Variants in FNDC1 observed in about 807,000 individuals in gnomAD.
The protein encoded by FNDC1 is fibronectin type III domain containing 1, also known as fibronectin type III domain-containing protein 1.
A neutral mutation model predicts 168.0 loss-of-function variants in FNDC1; 96 were observed. The observed-to-expected ratio is 0.57, with a 90% CI of 0.48 to 0.68. FNDC1 has a LOEUF of 0.68. FNDC1 is among the 30% of genes least tolerant of loss of function. The probability of loss-of-function intolerance (pLI) is 0.00; values close to 1 mark genes in which losing one functional copy is unlikely to be tolerated. For synonymous variants in FNDC1, 1,099 were observed against 1,025.9 expected (o/e 1.07, Z -1.36); for missense variants, 2,587 against 2,482.1 (o/e 1.04, Z -0.90).
intron 13 of FNDC1, 90 bp from the exon 14 acceptor site, chr6:159,239,427 A>G: frequency 8.6e-7 from 1 of 1,161,664 alleles, no homozygotes; most frequent in East Asian, 2.6e-5. Flanking sequence ...ATGATAATAC[A>G]TAAGCTTTGA....
intron 17 of FNDC1, among the ~76,000 whole-genome samples, chr6:159,253,030 C>T (rs1022272121): frequency 6.6e-6 from 1 of 152,176 alleles, no homozygotes. Flanking sequence ...CTGTAGAGGT[C>T]GGGCTTCTGA....
At chr6:159,199,954 G>T in intron 2 of FNDC1, 42 bp from the exon 3 acceptor site, 1 of 1,504,900 alleles carries the variant, frequency 6.6e-7, no homozygotes, top group Non-Finnish European at 9.1e-7. Flanking sequence ...TGTCATTCTT[G>T]GAGATCTGAA....
intron 18 of FNDC1, 114 bp downstream of exon 18, chr6:159,256,745 C>A: frequency 1.3e-6 from 1 of 766,458 alleles, no homozygotes; most frequent in South Asian, 1.6e-5. Flanking sequence ...TTTGAATACC[C>A]TGTTTGGTTC....
chr6:159,221,469 A>G (rs399369), intron 5 of FNDC1, 129 bp from the exon 6 acceptor site: 280,310 of 693,394 alleles, frequency 0.4, 60,591 homozygotes, highest in East Asian at 0.67. Context: ...AAGTGGGAAT[A>G]CCCCCAGAAA....
chr6:159,249,449 A>C (rs181924229), intron 16 of FNDC1, among the ~76,000 whole-genome samples: 1,702 of 152,332 alleles, frequency 0.011, 26 homozygotes, highest in Non-Finnish European at 0.019. Flanking sequence ...AGTAAGAAAC[A>C]CTTAAAAACC....
chr6:159,256,420 G>A (rs1777374395), intron 17 of FNDC1, 103 bp from the exon 18 acceptor site: 1 of 798,050 alleles, frequency 1.3e-6, no homozygotes, highest in Non-Finnish European at 2.1e-6. Context: ...CCCACATGGA[G>A]CTGCATCTGC....
At position 159,200,063 on chromosome 6, in the gene FNDC1, C is replaced by T. The variant is rs1258474329; in HGVS notation, c.372C>T (p.Tyr124=). ...ACAGTGGAGTGAGCCGTCCTGTTTA[C>T]AGAGCTGAAAGCCCACCTGGTAAGT... ...ENHSGVSRPV[Y]RAESPPGGEW... The change falls in exon 3 of 23, where the codon TAC becomes TAT. Residue 124 remains tyrosine (Y), a synonymous_variant. Coordinates refer to ENST00000297267, the MANE Select transcript of FNDC1 (RefSeq NM_032532.3). 1.0e-5 allele frequency: 16 copies of T among 1,600,006 alleles called. No homozygotes were observed. The highest frequency in any genetic ancestry group is 1.3e-5 in the Non-Finnish European group (15 of 1,172,964).
At chr6:159,267,634 C>A (rs1277530297) in intron 21 of FNDC1, among the ~76,000 whole-genome samples, 170 bp from the exon 22 acceptor site, 2 of 152,084 alleles carry the variant, frequency 1.3e-5, no homozygotes, top group East Asian at 3.8e-4. Context: ...TTCTTACAAC[C>A]TTTATGAGAT....
intron 14 of FNDC1, among the ~76,000 whole-genome samples, chr6:159,242,247 C>A (rs1562305702): frequency 6.6e-6 from 1 of 152,206 alleles, no homozygotes; most frequent in East Asian, 1.9e-4. Context: ...AAACTAAACA[C>A]CGCATGTTGT....
intron 12 of FNDC1, among the ~76,000 whole-genome samples, chr6:159,237,090 A>C (rs900981088): frequency 1.3e-5 from 2 of 152,264 alleles, no homozygotes; most frequent in Non-Finnish European, 2.9e-5. Flanking sequence ...GGTGATCTAA[A>C]GATGCATGTT....
chr6:159,260,350 G>A (rs144364413), intron 18 of FNDC1, among the ~76,000 whole-genome samples: 158 of 152,326 alleles, frequency 1.0e-3, no homozygotes, highest in African/African-American at 3.6e-3. Context: ...TTGTAAGAAT[G>A]CAAATAACAT....
At chr6:159,218,020 C>T (rs534909576) in intron 5 of FNDC1, among the ~76,000 whole-genome samples, 1 of 152,234 alleles carries the variant, frequency 6.6e-6, no homozygotes, top group East Asian at 1.9e-4. Flanking sequence ...AAATTCTGCC[C>T]GGCATATCAG....
intron 4 of FNDC1, among the ~76,000 whole-genome samples, chr6:159,205,895 T>G (rs2114956218): frequency 1.3e-5 from 2 of 152,354 alleles, no homozygotes; most frequent in Non-Finnish European, 2.9e-5. Flanking sequence ...AATTGTAATT[T>G]CTGCATTTTG....
intron 17 of FNDC1, among the ~76,000 whole-genome samples, chr6:159,252,875 G>C (rs533757899): frequency 6.6e-6 from 1 of 152,316 alleles, no homozygotes; most frequent in East Asian, 1.9e-4. Flanking sequence ...GATTCAAGGG[G>C]CTTCTAAGAA....
chr6:159,271,627 C>G lies in FNDC1; in HGVS notation c.*185C>G. On this transcript the variant is annotated 3_prime_UTR_variant, in exon 23 of 23. Transcript: ENST00000297267. ...ACTCAGTCCCACTTCTTGGCCTGGA[C>G]AATGAACAGGATTCAGTTTTGCTGT... 1 of 543,760 alleles carries G rather than the reference C, an allele frequency of 1.8e-6. No individual in the cohort carries two copies. Among genetic ancestry groups the G allele is most frequent in the South Asian group, 2.2e-5 (1 of 45,856 alleles). 33.7% of individuals were successfully genotyped at this position (543,760 alleles called of 1,614,324 possible). A position where few individuals can be genotyped will look rare whatever the true frequency, so the allele number is the denominator to read the frequency against.
At chr6:159,270,460 G>A (rs1291261561) in intron 22 of FNDC1, among the ~76,000 whole-genome samples, 1 of 152,096 alleles carries the variant, frequency 6.6e-6, no homozygotes, top group Non-Finnish European at 1.5e-5. Context: ...AGTCCCTCAG[G>A]GTTACTAGTG....
intron 1 of FNDC1, among the ~76,000 whole-genome samples, chr6:159,174,001 C>A (rs1781712922): frequency 6.6e-6 from 1 of 152,098 alleles, no homozygotes; most frequent in African/African-American, 2.4e-5. Flanking sequence ...AAGGAGCAGA[C>A]CTCTTTTCAT....
At chr6:159,268,861 T>C (rs1040481692) in intron 22 of FNDC1, among the ~76,000 whole-genome samples, 3 of 146,458 alleles carry the variant, frequency 2.0e-5, no homozygotes, top group Non-Finnish European at 3.0e-5. Context: ...TCTATCTATC[T>C]ATCCATACTG....
chr6:159,231,026 A>C (rs1340181911), intron 10 of FNDC1, among the ~76,000 whole-genome samples: 1 of 152,234 alleles, frequency 6.6e-6, no homozygotes, highest in Non-Finnish European at 1.5e-5. Context: ...AACAAGAAGG[A>C]GGAAGCAGGT....
Sources: allele counts gnomAD v4.1 joint callset (sites outside exome capture counted in the v4.1 genomes callset), GRCh38; gene constraint gnomAD v4.1.1; transcripts MANE v1.5; gene names NCBI Gene and HGNC (gene_info 2026-07-23, HGNC 2026-07-21).